Variants in CTXN3 observed in about 807,000 individuals in gnomAD.
The protein encoded by CTXN3 is cortexin-3.
Under a neutral mutation model 5.0 loss-of-function variants are expected in CTXN3, and 4 were observed. The observed-to-expected ratio is 0.79, with a 90% CI of 0.39 to 1.82. CTXN3 has a LOEUF of 1.82. Among genes scored for constraint, CTXN3 ranks in the 40% most tolerant of loss-of-function variants. The pLI is 0.04. For synonymous variants in CTXN3, 48 were observed against 38.6 expected, an observed-to-expected ratio of 1.24 and a Z score of -0.91; for missense variants, 89 against 99.7, an observed-to-expected ratio of 0.89 and a Z score of 0.46.
Position 127,657,433 on chromosome 5 carries a change from C to T in CTXN3, c.-89C>T, listed in dbSNP as rs1749933932. The T allele has an allele frequency of 6.8e-7, 1 of 1,467,212 alleles. No homozygotes were observed. The highest frequency in any genetic ancestry group is 9.3e-7 in the Non-Finnish European group (1 of 1,075,348). 90.9% of individuals were successfully genotyped at this position (1,467,212 alleles called of 1,614,324 possible). On this transcript the variant is annotated 5_prime_UTR_variant, in exon 3 of 3. Coordinates refer to ENST00000379445, the MANE Select transcript of CTXN3 (RefSeq NM_001048252.3). ...CCTTTTTCCCTGCAGATAACTCAGC[C>T]TCTCCAGAGTGCAGCCACCATGACC...
At chr5:127,649,894 CAAAG>C (rs753255273) in intron 1 of CTXN3, among the ~76,000 whole-genome samples, 5 of 152,056 alleles carry the variant, frequency 3.3e-5, no homozygotes, top group African/African-American at 1.2e-4. Flanking sequence ...ATGAAACACA[CAAAG>C]AAAGACAAAG....
intron 1 of CTXN3, among the ~76,000 whole-genome samples, chr5:127,650,957 G>A (rs1749772552): frequency 6.6e-6 from 1 of 152,170 alleles, no homozygotes; most frequent in Non-Finnish European, 1.5e-5. Flanking sequence ...TCAGTATCAG[G>A]ATGTGTATTA....
chr5:127,653,854 A>G (rs17164708), intron 2 of CTXN3, among the ~76,000 whole-genome samples: 5,515 of 152,224 alleles, frequency 0.036, 200 homozygotes, highest in African/African-American at 0.096. Context: ...AAAATTGTGA[A>G]TTAGTCAGCA....
intron 2 of CTXN3, among the ~76,000 whole-genome samples, chr5:127,654,931 A>G (rs1749871279): frequency 6.6e-6 from 1 of 152,082 alleles, no homozygotes; most frequent in Non-Finnish European, 1.5e-5. Context: ...TTCTCTTCTT[A>G]TATTTCCTTT....
chr5:127,654,564 T>C (rs1749862395), intron 2 of CTXN3, among the ~76,000 whole-genome samples: 2 of 152,216 alleles, frequency 1.3e-5, no homozygotes, highest in Admixed American at 6.5e-5. Flanking sequence ...CTGGAATTTC[T>C]GGAATGGTTG....
chr5:127,657,333 T>C (rs1749931934), intron 2 of CTXN3, 90 bp from the exon 3 acceptor site: 1 of 600,776 alleles, frequency 1.7e-6, no homozygotes, highest in Non-Finnish European at 2.9e-6. Flanking sequence ...TTTACAGATT[T>C]CTTTTTCTCT....
intron 1 of CTXN3, among the ~76,000 whole-genome samples, chr5:127,649,647 GC>G (rs750443690): frequency 1.3e-5 from 2 of 152,006 alleles, no homozygotes; most frequent in Non-Finnish European, 2.9e-5. Context: ...AGTAAAACAG[GC>G]TTTTTTTTCT....
intron 1 of CTXN3, chr5:127,652,134 G>T (rs776601974): frequency 2.0e-5 from 3 of 152,100 alleles, no homozygotes; most frequent in African/African-American, 7.2e-5. Context: ...CCATCAACAC[G>T]GAGGCCAAGG....
chr5:127,657,839 G>A lies in CTXN3; in HGVS notation c.*72G>A, dbSNP rs1749952159. The A allele has an allele frequency of 1.9e-6, 3 of 1,559,948 alleles. No homozygotes were observed. The highest frequency in any genetic ancestry group is 2.6e-6 in the Non-Finnish European group (3 of 1,139,720). On this transcript the variant is annotated 3_prime_UTR_variant, in exon 3 of 3. Coordinates refer to ENST00000379445, the MANE Select transcript of CTXN3 (RefSeq NM_001048252.3). ...TCTTGGTGAGGATTCCCTTTATTTA[G>A]TGTTCTCAACAAATCAAATTTAAAC...
chr5:127,655,276 A>G (rs1201433331), intron 2 of CTXN3, among the ~76,000 whole-genome samples: 1 of 152,198 alleles, frequency 6.6e-6, no homozygotes. Context: ...AATAAAAAAA[A>G]AGACTTTCTG....
chr5:127,649,971 C>A (rs558786512), intron 1 of CTXN3, among the ~76,000 whole-genome samples: 2 of 152,038 alleles, frequency 1.3e-5, no homozygotes, highest in Non-Finnish European at 2.9e-5. Flanking sequence ...GTTAAGGGTG[C>A]CTTCTGATAC....
chr5:127,657,025 T>C (rs1388240799), intron 2 of CTXN3, among the ~76,000 whole-genome samples: 2 of 152,304 alleles, frequency 1.3e-5, no homozygotes, highest in Middle Eastern at 3.4e-3. Flanking sequence ...TGCTGACACA[T>C]AGCTGAGGCT....
chr5:127,656,050 G>C (rs1156970150), intron 2 of CTXN3, among the ~76,000 whole-genome samples: 1 of 152,156 alleles, frequency 6.6e-6, no homozygotes, highest in East Asian at 1.9e-4. Context: ...AAGGAACATT[G>C]TATTGATGCT....
intron 2 of CTXN3, among the ~76,000 whole-genome samples, chr5:127,654,821 A>C (rs937683710): frequency 2.6e-5 from 4 of 152,190 alleles, no homozygotes; most frequent in Non-Finnish European, 5.9e-5. Flanking sequence ...TGAGGAGGTC[A>C]TTCTCAAGGA....
chr5:127,651,395 T>G (rs1442550982), intron 1 of CTXN3, among the ~76,000 whole-genome samples: 2 of 152,144 alleles, frequency 1.3e-5, no homozygotes. Context: ...CTACAGGCCG[T>G]TAACACCTGA....
intron 1 of CTXN3, among the ~76,000 whole-genome samples, chr5:127,650,528 G>A (rs867682710): frequency 6.6e-6 from 1 of 152,148 alleles, no homozygotes; most frequent in African/African-American, 2.4e-5. Flanking sequence ...GGGAGTGGGA[G>A]GATTTAAAAT....
intron 1 of CTXN3, among the ~76,000 whole-genome samples, chr5:127,650,223 T>C (rs925312347): frequency 1.3e-5 from 2 of 152,154 alleles, no homozygotes; most frequent in Non-Finnish European, 2.9e-5. Context: ...CAGACGTGTC[T>C]GCAGGCTGAC....
chr5:127,654,497 G>A (rs778637365), intron 2 of CTXN3, among the ~76,000 whole-genome samples: 4 of 152,122 alleles, frequency 2.6e-5, no homozygotes, highest in Non-Finnish European at 4.4e-5. Context: ...TCATTCCTAG[G>A]GTGACTGAAG....
Position 127,657,427 on chromosome 5 carries a change from C to T in CTXN3, c.-95C>T. On this transcript the variant is annotated 5_prime_UTR_variant, in exon 3 of 3. Transcript: ENST00000379445. ...TCCCTTCCTTTTTCCCTGCAGATAA[C>T]TCAGCCTCTCCAGAGTGCAGCCACC... 2 of 1,424,922 alleles carry T rather than the reference C, an allele frequency of 1.4e-6. No homozygotes were observed. The highest frequency in any genetic ancestry group is 2.6e-5 in the South Asian group (2 of 77,892). The allele number at this position is 1,424,922 out of a possible 1,614,324, so 88.3% of individuals were successfully genotyped here. A position where few individuals can be genotyped will look rare whatever the true frequency, so the allele number is the denominator to read the frequency against.
Sources: allele counts gnomAD v4.1 joint callset (sites outside exome capture counted in the v4.1 genomes callset), GRCh38; gene constraint gnomAD v4.1.1; transcripts MANE v1.5; gene names NCBI Gene and HGNC (gene_info 2026-07-23, HGNC 2026-07-21).